EXOC4: variants seen among roughly 807,000 people sequenced by gnomAD.
EXOC4 encodes the protein exocyst complex component 4, also known as SEC8-like 1.
In EXOC4, 71 loss-of-function variants were observed where a neutral mutation model predicts 107.2. The ratio of observed to expected loss-of-function variants is 0.66; its 90% CI spans 0.55 to 0.81. The LOEUF is 0.81. Among genes scored for constraint, EXOC4 ranks in the 30% least tolerant of loss-of-function variants. EXOC4 has a pLI of 0.00. For missense variants in EXOC4, 1,108 were observed against 1,189.6 expected (o/e 0.93, Z 1.01); for synonymous variants, 456 against 441.2 (o/e 1.03, Z -0.42).
At chr7:133,271,210 G>A (rs1386235501) in intron 1 of EXOC4, among the ~76,000 whole-genome samples, 7 of 152,000 alleles carry the variant, frequency 4.6e-5, no homozygotes, top group Admixed American at 2.6e-4. Context: ...GAACCACTGC[G>A]CCTGGCCTCT....
At chr7:133,271,179 A>G (rs1257452253) in intron 1 of EXOC4, among the ~76,000 whole-genome samples, 2 of 152,022 alleles carry the variant, frequency 1.3e-5, no homozygotes, top group East Asian at 3.9e-4. Flanking sequence ...CGGCCTCCCA[A>G]AATGCTGGGA....
At chr7:133,306,186 G>A in intron 4 of EXOC4, 125 bp downstream of exon 4, 1 of 770,780 alleles carries the variant, frequency 1.3e-6, no homozygotes, top group Non-Finnish European at 2.0e-6. Flanking sequence ...TCTGAAACTT[G>A]AAGATGGTTT....
At chr7:133,311,954 A>G (rs1410913117) in intron 4 of EXOC4, among the ~76,000 whole-genome samples, 1 of 152,220 alleles carries the variant, frequency 6.6e-6, no homozygotes, top group Non-Finnish European at 1.5e-5. Context: ...ATGATAGCAA[A>G]GATGGCGGAA....
At chr7:134,030,969 G>A (rs545356532) in intron 17 of EXOC4, among the ~76,000 whole-genome samples, 4 of 152,050 alleles carry the variant, frequency 2.6e-5, no homozygotes, top group East Asian at 1.9e-4. Context: ...CATACAACAC[G>A]GGTAAACCTC....
At chr7:133,566,249 T>C (rs1800903968) in intron 9 of EXOC4, among the ~76,000 whole-genome samples, 1 of 152,202 alleles carries the variant, frequency 6.6e-6, no homozygotes, top group Non-Finnish European at 1.5e-5. Flanking sequence ...AACTCATCTG[T>C]GCTTTATCTA....
intron 14 of EXOC4, among the ~76,000 whole-genome samples, chr7:133,981,023 TGA>T (rs1793966460): frequency 1.3e-5 from 2 of 152,208 alleles, no homozygotes; most frequent in Admixed American, 1.3e-4. Context: ...CACCCCATGC[TGA>T]GAGGTGGCCA....
intron 14 of EXOC4, among the ~76,000 whole-genome samples, chr7:133,964,812 T>C (rs2116850840): frequency 6.6e-6 from 1 of 152,310 alleles, no homozygotes; most frequent in East Asian, 1.9e-4. Context: ...ATCTTTATAG[T>C]AGAATGAGTT....
rs896801889 is a variant in EXOC4, at chr7:133,275,117, C to T, written c.222C>T (p.Arg74=). 6.2e-7 allele frequency: 1 copy of T among 1,613,430 alleles called. No homozygotes were observed. Among genetic ancestry groups the T allele is most frequent in the African/African-American group, 1.3e-5 (1 of 75,004 alleles). Residue 74 remains arginine, a synonymous_variant, in exon 2 of 18, where the codon CGC becomes CGT. Transcript: ENST00000253861. ...QHYTELTTAI[R]TYQSITERIT... ...ACACAGAATTGACGACAGCCATTCGCACATACCAGAGCATCACAGAGCGCA... is the reference window on the plus strand; with the variant it reads ...ACACAGAATTGACGACAGCCATTCGTACATACCAGAGCATCACAGAGCGCA...
chr7:133,784,869 A>G (rs914772366), intron 10 of EXOC4, among the ~76,000 whole-genome samples: 2 of 152,216 alleles, frequency 1.3e-5, no homozygotes, highest in African/African-American at 4.8e-5. Context: ...CCATTAAAAA[A>G]TTTCTTTTGC....
Position 133,374,866 on chromosome 7 carries a change from T to G in EXOC4, c.1046T>G (p.Phe349Cys), listed in dbSNP as rs1052262669. The G allele has an allele frequency of 1.2e-6, 2 of 1,613,954 alleles. No homozygotes were observed. Among genetic ancestry groups the G allele is most frequent in the Admixed American group, 3.3e-5 (2 of 60,004 alleles). ...LELLELLFDKFNAVAAAHSVV... is the reference protein window; with the variant it reads ...LELLELLFDKCNAVAAAHSVV... ...CTGCTGGAGTTACTGTTTGACAAGT[T>G]TAATGCTGTAGCCGCTGCACACTCT... The change falls in exon 7 of 18, where the codon TTT (phenylalanine) becomes TGT (cysteine). Residue 349 changes from phenylalanine to cysteine, a missense_variant. Phe to Cys is a radical substitution (Grantham distance 205). Transcript: ENST00000253861.
chr7:133,304,466 C>T (rs1196241415), intron 3 of EXOC4, among the ~76,000 whole-genome samples: 1 of 152,162 alleles, frequency 6.6e-6, no homozygotes, highest in African/African-American at 2.4e-5. Context: ...GCTTGTCACT[C>T]TCCCATTCCT....
chr7:133,850,084 G>A (rs1190633888), intron 11 of EXOC4, among the ~76,000 whole-genome samples: 1 of 152,132 alleles, frequency 6.6e-6, no homozygotes, highest in Admixed American at 6.5e-5. Flanking sequence ...TTTGAGCTGC[G>A]TGTGTTCTTC....
At chr7:133,979,612 C>G (rs1474725509) in intron 14 of EXOC4, among the ~76,000 whole-genome samples, 1 of 151,966 alleles carries the variant, frequency 6.6e-6, no homozygotes, top group Non-Finnish European at 1.5e-5. Flanking sequence ...ATGGCAAAAC[C>G]CTGTCTCTAC....
At chr7:133,286,624 C>T (rs1194925316) in intron 2 of EXOC4, among the ~76,000 whole-genome samples, 4 of 152,152 alleles carry the variant, frequency 2.6e-5, no homozygotes, top group African/African-American at 9.7e-5. Context: ...TTCAGTGAAA[C>T]CTCAAATGTC....
chr7:133,743,891 TGCCTCC>T, intron 10 of EXOC4, among the ~76,000 whole-genome samples: 1 of 152,120 alleles, frequency 6.6e-6, no homozygotes, highest in Non-Finnish European at 1.5e-5. Flanking sequence ...TTGGTGTGTC[TGCCTCC>T]TAGGGGAAGG....
chr7:133,689,945 CA>C (rs1234875198), intron 10 of EXOC4, among the ~76,000 whole-genome samples: 1 of 152,182 alleles, frequency 6.6e-6, no homozygotes, highest in Admixed American at 6.5e-5. Flanking sequence ...GTTGGCTTTA[CA>C]GACTAAAAAT....
rs1218015976 is a variant in EXOC4 at position 133,550,622 on chromosome 7, A to G, written c.1417+70484A>G. On this transcript the variant is annotated intron_variant, in intron 9 of 17. Transcript: ENST00000253861. ...CTTTTTATACTTTCCTTTATCACTCATTTTTATTAATATCAGAAAATAAGA... is the reference window on the plus strand; with the variant it reads ...CTTTTTATACTTTCCTTTATCACTCGTTTTTATTAATATCAGAAAATAAGA... Among the ~76,000 whole-genome samples the G allele has an allele frequency of 2.0e-5, 3 of 152,088 alleles. No homozygotes were observed. In the East Asian group the frequency reaches 5.8e-4, roughly 29 times the overall value.
At chr7:133,947,804 A>C (rs771016862) in intron 14 of EXOC4, among the ~76,000 whole-genome samples, 19 of 152,354 alleles carry the variant, frequency 1.2e-4, no homozygotes, top group Non-Finnish European at 2.6e-4. Flanking sequence ...CATAAGGGAA[A>C]TATTTTATTA....
chr7:133,410,409 G>T (rs924934135), intron 7 of EXOC4, among the ~76,000 whole-genome samples: 1 of 152,130 alleles, frequency 6.6e-6, no homozygotes, highest in Non-Finnish European at 1.5e-5. Context: ...TCCACCTGTG[G>T]CTCTGCTGCG....
Sources: gnomAD v4.1 joint callset for allele counts (sites outside exome capture counted in the v4.1 genomes callset) on GRCh38, gnomAD v4.1.1 for gene constraint, MANE v1.5 for transcripts, NCBI Gene and HGNC (gene_info 2026-07-23, HGNC 2026-07-21) for gene names.